Variants in GALNT17 observed in about 807,000 individuals in gnomAD.
GALNT17 encodes the protein UDP-GalNAc:polypeptide N-acetylgalactosaminyltransferase-like 3.
A neutral mutation model predicts 63.7 loss-of-function variants in GALNT17; 29 were observed. The observed-to-expected ratio is 0.46, with a 90% confidence interval of 0.34 to 0.62. GALNT17 has a LOEUF of 0.62. GALNT17 is among the 20% of genes least tolerant of loss of function. The pLI is 0.01. For missense variants in GALNT17, 603 were observed against 799.6 expected, an observed-to-expected ratio of 0.75 and a Z score of 2.97; for synonymous variants, 305 against 318.3, an observed-to-expected ratio of 0.96 and a Z score of 0.45.
At chr7:71,160,285 A>G (rs761705698) in intron 1 of GALNT17, among the ~76,000 whole-genome samples, 1 of 152,224 alleles carries the variant, frequency 6.6e-6, no homozygotes, top group South Asian at 2.1e-4. Flanking sequence ...TAACATTTTA[A>G]TAGGAACATT....
intron 2 of GALNT17, among the ~76,000 whole-genome samples, chr7:71,361,399 C>G (rs1207846460): frequency 6.6e-6 from 1 of 152,220 alleles, no homozygotes; most frequent in Non-Finnish European, 1.5e-5. Context: ...GACACCATTT[C>G]TATTATCTGA....
chr7:71,322,770 C>G (rs946593685), intron 1 of GALNT17, among the ~76,000 whole-genome samples: 5 of 152,138 alleles, frequency 3.3e-5, no homozygotes, highest in African/African-American at 1.2e-4. Flanking sequence ...GACACAAGCT[C>G]TCCCTCTCTC....
chr7:71,323,653 C>T (rs1443263038), intron 1 of GALNT17, among the ~76,000 whole-genome samples: 1 of 152,198 alleles, frequency 6.6e-6, no homozygotes. Flanking sequence ...GATGATTTGA[C>T]ATGAGTTAAT....
intron 1 of GALNT17, among the ~76,000 whole-genome samples, chr7:71,142,003 C>A (rs1185536576): frequency 2.8e-5 from 3 of 108,468 alleles, no homozygotes; most frequent in Non-Finnish European, 5.4e-5. Context: ...CATGAGCCAC[C>A]ACATTTGGCT....
intron 1 of GALNT17, among the ~76,000 whole-genome samples, chr7:71,314,255 CTG>C (rs148641128): frequency 9.3e-5 from 14 of 150,112 alleles, no homozygotes; most frequent in South Asian, 2.1e-4. Flanking sequence ...GAGTGTGTGT[CTG>C]TGTGTGTGTG....
intron 1 of GALNT17, among the ~76,000 whole-genome samples, chr7:71,334,059 A>G (rs965090759): frequency 1.3e-5 from 2 of 152,124 alleles, no homozygotes; most frequent in African/African-American, 2.4e-5. Flanking sequence ...TAGGGTCTCT[A>G]TGGAGATGGT....
intron 1 of GALNT17, among the ~76,000 whole-genome samples, chr7:71,156,947 A>G (rs1349602356): frequency 6.6e-6 from 1 of 150,726 alleles, no homozygotes; most frequent in East Asian, 1.9e-4. Context: ...TTATTTATGT[A>G]TTTATTTTGT....
At chr7:71,197,261 G>T (rs539026936) in intron 1 of GALNT17, among the ~76,000 whole-genome samples, 1 of 142,344 alleles carries the variant, frequency 7.0e-6, no homozygotes, top group Admixed American at 7.3e-5. Flanking sequence ...GTGCAGTGGC[G>T]CGATCTCCGC....
At chr7:71,565,409 TCTTTCCTCTCTC>T (rs1246246058) in intron 5 of GALNT17, among the ~76,000 whole-genome samples, 1 of 152,072 alleles carries the variant, frequency 6.6e-6, no homozygotes. Flanking sequence ...TCTGCTCCCC[TCTTTCCTCTCTC>T]CTTTCCTCTC....
chr7:71,161,164 T>C (rs897689595), intron 1 of GALNT17, among the ~76,000 whole-genome samples: 4 of 152,190 alleles, frequency 2.6e-5, no homozygotes, highest in Non-Finnish European at 5.9e-5. Context: ...CTGCTTTCCA[T>C]TAAGTTTATA....
chr7:71,308,753 T>C (rs2115928093), intron 1 of GALNT17, among the ~76,000 whole-genome samples: 2 of 151,926 alleles, frequency 1.3e-5, no homozygotes, highest in Admixed American at 1.3e-4. Flanking sequence ...AGTTTTTTTT[T>C]TTTTTTTTGA....
intron 2 of GALNT17, among the ~76,000 whole-genome samples, chr7:71,378,854 T>G (rs939555740): frequency 1.3e-5 from 2 of 151,610 alleles, no homozygotes; most frequent in African/African-American, 4.8e-5. Flanking sequence ...AAAAATAAAT[T>G]AGCCAGGTGT....
At position 71,162,966 on chromosome 7, in the gene GALNT17, A is replaced by G. The variant is rs1381806490; in HGVS notation, c.238+29926A>G. On this transcript the variant is annotated intron_variant, in intron 1 of 10. Transcript: ENST00000333538. ...CTGCATGGAAGACGCACTGTGGAGG[A>G]CAAGTGTAGAAGCAGTTAGGAAGCT... is the stretch of plus-strand genomic sequence containing the variant. Among the ~76,000 whole-genome samples, 4 of 152,336 alleles carry G rather than the reference A, an allele frequency of 2.6e-5. No homozygotes were observed. In the East Asian group the frequency reaches 7.7e-4, roughly 29 times the overall value.
intron 5 of GALNT17, among the ~76,000 whole-genome samples, chr7:71,424,278 T>C (rs998866287): frequency 2.8e-4 from 43 of 152,208 alleles, no homozygotes; most frequent in African/African-American, 1.0e-3. Flanking sequence ...GACAGTGAGT[T>C]TCATGTGTTG....
At chr7:71,504,355 G>C (rs369933327) in intron 5 of GALNT17, among the ~76,000 whole-genome samples, 2 of 151,814 alleles carry the variant, frequency 1.3e-5, no homozygotes, top group Non-Finnish European at 2.9e-5. Flanking sequence ...AGATCGTACC[G>C]CTGCACCCTG....
chr7:71,643,400 G>A (rs377438023), intron 6 of GALNT17, among the ~76,000 whole-genome samples: 7 of 151,802 alleles, frequency 4.6e-5, no homozygotes, highest in African/African-American at 9.7e-5. Flanking sequence ...CCCAGGAGGC[G>A]GAGGTTGCAG....
At chr7:71,258,017 A>G (rs950999927) in intron 1 of GALNT17, among the ~76,000 whole-genome samples, 16 of 152,278 alleles carry the variant, frequency 1.1e-4, no homozygotes, top group Admixed American at 5.2e-4. Context: ...GGCCGTATCC[A>G]TGGCCTCCCG....
chr7:71,299,173 G>C (rs889214597), intron 1 of GALNT17, among the ~76,000 whole-genome samples: 9 of 152,184 alleles, frequency 5.9e-5, no homozygotes, highest in Non-Finnish European at 1.0e-4. Context: ...AGCTGGAGAA[G>C]GGTATGTGTG....
At chr7:71,353,400 A>G (rs2116191821) in intron 2 of GALNT17, among the ~76,000 whole-genome samples, 1 of 152,288 alleles carries the variant, frequency 6.6e-6, no homozygotes, top group South Asian at 2.1e-4. Flanking sequence ...AGTATTGCCT[A>G]TCCACATTTC....
Sources: gnomAD v4.1 joint callset for allele counts (sites outside exome capture counted in the v4.1 genomes callset) on GRCh38, gnomAD v4.1.1 for gene constraint, MANE v1.5 for transcripts, NCBI Gene and HGNC (gene_info 2026-07-23, HGNC 2026-07-21) for gene names.